MOB1A: variants seen among roughly 807,000 people sequenced by gnomAD.
MOB1A encodes MOB kinase activator 1A.
In MOB1A, 10 loss-of-function variants were observed where a neutral mutation model predicts 25.1. That is an observed-to-expected ratio of 0.40 (90% CI 0.25 to 0.68). The LOEUF is 0.68. MOB1A is among the 30% of genes least tolerant of loss of function. The pLI is 0.40. For synonymous variants in MOB1A, 81 were observed against 79.5 expected, an observed-to-expected ratio of 1.02 and a Z score of -0.10; for missense variants, 177 against 256.3, an observed-to-expected ratio of 0.69 and a Z score of 2.11.
chr2:74,153,928 G>A lies in MOB1A; in HGVS notation c.*2640C>T, dbSNP rs1415590761. 6.6e-6 allele frequency: 1 copy of A among 152,316 alleles called. No homozygotes were observed. The highest frequency in any genetic ancestry group is 6.5e-5 in the Admixed American group (1 of 15,276). The allele number at this position is 152,316 out of a possible 1,614,324, so 9.4% of individuals were successfully genotyped here. A position where few individuals can be genotyped will look rare whatever the true frequency, so the allele number is the denominator to read the frequency against. On this transcript the variant is annotated 3_prime_UTR_variant, in exon 6 of 6. Coordinates refer to ENST00000396049, the MANE Select transcript of MOB1A (RefSeq NM_018221.5). ...TGTAATCCCAACACTTTGGGAGGCT[G>A]AGGCGGGCGGATTGCGAGGTAAGGA...
At chr2:74,169,166 C>T (rs942685563) in intron 2 of MOB1A, among the ~76,000 whole-genome samples, 1 of 152,132 alleles carries the variant, frequency 6.6e-6, no homozygotes, top group African/African-American at 2.4e-5. Context: ...TTCGTAAAAA[C>T]ATATTTATGG....
In MOB1A at chr2:74,155,097, T is replaced by A. The variant is rs1365419166; in HGVS notation, c.*1471A>T. Reference sequence around the variant, plus strand: ...CATCGAGGAGGTTGGTAAAATACTTTGCAAAAATCACAGCTCTGAACCACA... The same window carrying A: ...CATCGAGGAGGTTGGTAAAATACTTAGCAAAAATCACAGCTCTGAACCACA... On this transcript the variant is annotated 3_prime_UTR_variant, in exon 6 of 6. Coordinates refer to ENST00000396049, the MANE Select transcript of MOB1A (RefSeq NM_018221.5). 1.3e-5 allele frequency: 2 copies of A among 152,274 alleles called. No individual in the cohort carries two copies. Among genetic ancestry groups the A allele is most frequent in the Non-Finnish European group, 2.9e-5 (2 of 68,030 alleles). The allele number at this position is 152,274 out of a possible 1,614,324, so 9.4% of individuals were successfully genotyped here.
rs946230545 is a variant in MOB1A, at chr2:74,159,271, A to G, written c.410-17T>C. On this transcript the variant is annotated splice_polypyrimidine_tract_variant and intron_variant, in intron 4 of 5. Transcript: ENST00000396049. ...ATGGGACACCTGCAATTAAATACAC[A>G]TATGAAACAATTATTTGGTTATCTA... The G allele has an allele frequency of 4.4e-6, 7 of 1,605,580 alleles. No individual in the cohort carries two copies. In the African/African-American group the frequency reaches 6.7e-5, roughly 15 times the overall value.
rs991211752 is a variant in MOB1A at position 74,162,976 on chromosome 2, G to A, written c.409+2242C>T. Reference sequence around the variant, plus strand: ...CTGATAAACTCTATAGCCATTCCTCGTTAAGAACAATTTTTGTAATATAAA... The same window carrying A: ...CTGATAAACTCTATAGCCATTCCTCATTAAGAACAATTTTTGTAATATAAA... On this transcript the variant is annotated intron_variant, in intron 4 of 5. Transcript: ENST00000396049. Among the ~76,000 whole-genome samples the A allele has an allele frequency of 7.2e-5, 11 of 152,092 alleles. No homozygotes were observed. In the South Asian group the frequency reaches 8.3e-4, roughly 11 times the overall value.
At chr2:74,159,462 T>A (rs1692899516) in intron 4 of MOB1A, among the ~76,000 whole-genome samples, 2 of 152,104 alleles carry the variant, frequency 1.3e-5, no homozygotes, top group Admixed American at 6.6e-5. Context: ...ATTTTTTGTA[T>A]TTTTTGTAGA....
At chr2:74,170,721 T>G (rs1693269114) in intron 2 of MOB1A, among the ~76,000 whole-genome samples, 1 of 84,890 alleles carries the variant, frequency 1.2e-5, no homozygotes, top group African/African-American at 6.1e-5. Context: ...CAAGATTCCA[T>G]CTCAAAAAAA....
At chr2:74,177,099 G>A (rs1693496285) in intron 1 of MOB1A, among the ~76,000 whole-genome samples, 1 of 152,122 alleles carries the variant, frequency 6.6e-6, no homozygotes, top group South Asian at 2.1e-4. Flanking sequence ...GATCATCTGA[G>A]GTCAGGAGTT....
At chr2:74,171,857 T>C (rs768914745) in intron 2 of MOB1A, among the ~76,000 whole-genome samples, 1 of 152,078 alleles carries the variant, frequency 6.6e-6, no homozygotes, top group Non-Finnish European at 1.5e-5. Context: ...GAAGCAAGAT[T>C]GAGCCATTGC....
intron 4 of MOB1A, among the ~76,000 whole-genome samples, chr2:74,160,451 G>A (rs763851889): frequency 1.5e-4 from 23 of 152,178 alleles, no homozygotes; most frequent in Non-Finnish European, 2.6e-4. Context: ...TTGGGAGGCC[G>A]AGGGGGGCAG....
Position 74,166,597 on chromosome 2 carries a change from G to A in MOB1A, c.275+417C>T, listed in dbSNP as rs139199841. Reference sequence around the variant, plus strand: ...CACCTTTAATCCCAGCACTTTGCGAGGCCGAGGTGGGCAGATCACTTGAGG... The same window carrying A: ...CACCTTTAATCCCAGCACTTTGCGAAGCCGAGGTGGGCAGATCACTTGAGG... On this transcript the variant is annotated intron_variant, in intron 3 of 5. Coordinates refer to ENST00000396049, the MANE Select transcript of MOB1A (RefSeq NM_018221.5). 2.6e-3 allele frequency among the ~76,000 whole-genome samples: 401 copies of A among 152,260 alleles called. 3 individuals carry two copies. Among genetic ancestry groups the A allele is most frequent in the African/African-American group, 9.3e-3 (386 of 41,548 alleles).
At chr2:74,161,194 T>C (rs1290435983) in intron 4 of MOB1A, among the ~76,000 whole-genome samples, 2 of 152,240 alleles carry the variant, frequency 1.3e-5, no homozygotes. Flanking sequence ...TGCATTTTTT[T>C]CCCAGCCAGT....
At chr2:74,157,084 G>C (rs1204737426) in intron 5 of MOB1A, among the ~76,000 whole-genome samples, 1 of 150,146 alleles carries the variant, frequency 6.7e-6, no homozygotes, top group African/African-American at 2.5e-5. Flanking sequence ...CTGGTGGCTG[G>C]AGGCTCCTAT....
chr2:74,176,431 G>A (rs548010703), intron 1 of MOB1A, among the ~76,000 whole-genome samples: 30 of 151,672 alleles, frequency 2.0e-4, no homozygotes, highest in African/African-American at 7.3e-4. Flanking sequence ...TATCTAGAAT[G>A]TATAAAGAAG....
chr2:74,170,011 AC>A (rs1415055176), intron 2 of MOB1A, among the ~76,000 whole-genome samples: 1 of 152,186 alleles, frequency 6.6e-6, no homozygotes, highest in African/African-American at 2.4e-5. Context: ...TGGATCTGAG[AC>A]CAAAAAATTT....
Position 74,155,539 on chromosome 2 carries a change from C to T in MOB1A, c.*1029G>A, listed in dbSNP as rs570280772. The T allele has an allele frequency of 1.2e-4, 19 of 152,448 alleles. No individual in the cohort carries two copies. The highest frequency in any genetic ancestry group is 4.6e-4 in the African/African-American group (19 of 41,506). The allele number at this position is 152,448 out of a possible 1,614,324, so 9.4% of individuals were successfully genotyped here. Reference sequence around the variant, plus strand: ...ATTGTGGTTTTCCTTAAGTTTTATCCTTATTAGGATGAAGTTCATGCATTT... The same window carrying T: ...ATTGTGGTTTTCCTTAAGTTTTATCTTTATTAGGATGAAGTTCATGCATTT... On this transcript the variant is annotated 3_prime_UTR_variant, in exon 6 of 6. Transcript: ENST00000396049.
chr2:74,162,267 G>A (rs868540281), intron 4 of MOB1A, among the ~76,000 whole-genome samples: 1 of 152,082 alleles, frequency 6.6e-6, no homozygotes, highest in African/African-American at 2.4e-5. Context: ...AATCACTTGA[G>A]GTCAGGAGTT....
At chr2:74,167,850 G>C (rs918766123) in intron 2 of MOB1A, among the ~76,000 whole-genome samples, 1 of 152,078 alleles carries the variant, frequency 6.6e-6, no homozygotes, top group Non-Finnish European at 1.5e-5. Context: ...AATAATATAA[G>C]ATATGGCCAG....
At chr2:74,164,683 A>C (rs1693076329) in intron 4 of MOB1A, 2 of 152,226 alleles carry the variant, frequency 1.3e-5, no homozygotes, top group Admixed American at 6.5e-5. Flanking sequence ...AAATGAGACA[A>C]AAGGTAACCC....
chr2:74,156,789 C>T (rs1692818628), intron 5 of MOB1A, 144 bp from the exon 6 acceptor site: 2 of 625,082 alleles, frequency 3.2e-6, no homozygotes, highest in Non-Finnish European at 5.5e-6. Flanking sequence ...TTAAAGTAGG[C>T]ATTTATTCTT....
Sources: allele counts gnomAD v4.1 joint callset (sites outside exome capture counted in the v4.1 genomes callset), GRCh38; gene constraint gnomAD v4.1.1; transcripts MANE v1.5; gene names NCBI Gene and HGNC (gene_info 2026-07-23, HGNC 2026-07-21).